Variants in ZNF549 observed in about 807,000 individuals in gnomAD.
ZNF549 encodes the protein zinc finger protein 549.
A neutral mutation model predicts 11.1 loss-of-function variants in ZNF549; 11 were observed. The observed-to-expected ratio is 0.99, with a 90% CI of 0.62 to 1.64. ZNF549 has a LOEUF of 1.64. ZNF549 is among the 40% of genes most tolerant of loss of function. The probability of loss-of-function intolerance (pLI) is 0.00; values close to 1 mark genes in which losing one functional copy is unlikely to be tolerated. For synonymous variants in ZNF549, 266 were observed against 269.1 expected, an observed-to-expected ratio of 0.99 and a Z score of 0.11; for missense variants, 748 against 765.1, an observed-to-expected ratio of 0.98 and a Z score of 0.26.
intron 1 of ZNF549, among the ~76,000 whole-genome samples, chr19:57,529,181 A>G (rs2123307189): frequency 1.3e-5 from 2 of 152,228 alleles, no homozygotes; most frequent in East Asian, 3.8e-4. Flanking sequence ...TTTGTAGCCT[A>G]GGAGCAATAG....
intron 2 of ZNF549, among the ~76,000 whole-genome samples, chr19:57,532,455 G>A (rs1342313743): frequency 6.6e-6 from 1 of 152,164 alleles, no homozygotes; most frequent in East Asian, 1.9e-4. Context: ...AAGGACCTGT[G>A]GGCAGGTGCC....
chr19:57,527,425 G>A lies in ZNF549; in HGVS notation c.-149G>A. On this transcript the variant is annotated 5_prime_UTR_variant, in exon 1 of 4. Transcript: ENST00000376233. ...CTCGCTGGGTCCGGGCCAGGTAACT[G>A]GAGCCGGAAACCGGTGGAGGTGGTG... 4 of 1,160,986 alleles carry A rather than the reference G, an allele frequency of 3.4e-6. No homozygotes were observed. In the East Asian group the frequency reaches 7.7e-5, roughly 22 times the overall value. The allele number at this position is 1,160,986 out of a possible 1,614,324, so 71.9% of individuals were successfully genotyped here. A position where few individuals can be genotyped will look rare whatever the true frequency, so the allele number is the denominator to read the frequency against.
Position 57,538,945 on chromosome 19 carries a change from A to C in ZNF549, c.*18A>C, listed in dbSNP as rs2089942387. On this transcript the variant is annotated 3_prime_UTR_variant, in exon 4 of 4. Transcript: ENST00000376233. ...AGCCCTAGCAATTGTTGGGATGTGTAATTGTCTTATTCACTGTAGGACACC... is the reference window on the plus strand; with the variant it reads ...AGCCCTAGCAATTGTTGGGATGTGTCATTGTCTTATTCACTGTAGGACACC... The C allele has an allele frequency of 6.3e-7, 1 of 1,585,528 alleles. No homozygotes were observed.
At chr19:57,528,999 C>T (rs1461623843) in intron 1 of ZNF549, among the ~76,000 whole-genome samples, 5 of 152,126 alleles carry the variant, frequency 3.3e-5, no homozygotes, top group African/African-American at 1.2e-4. Flanking sequence ...ACATCAGTGA[C>T]GGTGGTCCCA....
chr19:57,531,215 C>T (rs1221950221), intron 2 of ZNF549, 107 bp downstream of exon 2: 2 of 1,255,776 alleles, frequency 1.6e-6, no homozygotes, highest in East Asian at 4.7e-5. Flanking sequence ...TTTCCTTCAT[C>T]TTGGGTCCCT....
intron 1 of ZNF549, 90 bp downstream of exon 1, chr19:57,527,696 C>T: frequency 4.7e-6 from 7 of 1,500,860 alleles, no homozygotes; most frequent in Non-Finnish European, 6.4e-6. Context: ...GGCCTCTTCT[C>T]CAGGACAGCG....
rs143688393 is a variant in ZNF549, at chr19:57,538,240, G to A, written c.1236G>A (p.Thr412=). ...TTCTTGATCACCATAGAATCCACAC[G>A]GGAGAAAGGCCTTATGAGTGCAAAG... The part of the protein sequence containing the change: ...QSLLDHHRIH[T]GERPYECKEC... The change falls in exon 4 of 4, where the codon ACG becomes ACA. Residue 412 remains threonine (T), a synonymous_variant. Coordinates refer to ENST00000376233, the MANE Select transcript of ZNF549 (RefSeq NM_001199295.2). 2.4e-5 allele frequency: 38 copies of A among 1,612,772 alleles called. No homozygotes were observed. Among genetic ancestry groups the A allele is most frequent in the South Asian group, 2.1e-4 (19 of 91,014 alleles).
chr19:57,535,439 C>G, intron 3 of ZNF549, 169 bp downstream of exon 3: 1 of 909,758 alleles, frequency 1.1e-6, no homozygotes, highest in South Asian at 2.1e-5. Flanking sequence ...GTTTTTTCTG[C>G]CCCAACATCT....
intron 3 of ZNF549, among the ~76,000 whole-genome samples, chr19:57,536,008 C>T (rs1445791994): frequency 1.3e-5 from 2 of 152,082 alleles, no homozygotes; most frequent in African/African-American, 4.8e-5. Flanking sequence ...ATTTTGGTGC[C>T]AGGGCTCATG....
In ZNF549 at chr19:57,538,870, C is replaced by G. The variant is rs1371582467; in HGVS notation, c.1866C>G (p.Phe622Leu). ...AATGTGGTAAATGTGGGAAAGCCTTCAACAAAAGATATTCCCTTGTCAGGC... is the reference window on the plus strand; with the variant it reads ...AATGTGGTAAATGTGGGAAAGCCTTGAACAAAAGATATTCCCTTGTCAGGC... ...PYECGKCGKA[F>L]NKRYSLVRHQ... Residue 622 changes from phenylalanine to leucine, a missense_variant, in exon 4 of 4, where the codon TTC (phenylalanine) becomes TTG (leucine). Coordinates refer to ENST00000376233, the MANE Select transcript of ZNF549 (RefSeq NM_001199295.2). The G allele has an allele frequency of 1.2e-6, 2 of 1,611,266 alleles. No individual in the cohort carries two copies. The highest frequency in any genetic ancestry group is 1.7e-6 in the Non-Finnish European group (2 of 1,180,026).
Position 57,538,393 on chromosome 19 carries a change from C to A in ZNF549, c.1389C>A (p.His463Gln). The A allele has an allele frequency of 6.2e-7, 1 of 1,614,014 alleles. No individual in the cohort carries two copies. The highest frequency in any genetic ancestry group is 8.5e-7 in the Non-Finnish European group (1 of 1,180,000). The part of the protein sequence containing the change: ...SFIRSSDYMR[H>Q]QRIHTGERAY... ...TCCGCTCGTCTGACTACATGCGACA[C>A]CAGAGAATTCACACTGGAGAAAGGG... Residue 463 changes from histidine to glutamine, a missense_variant, in exon 4 of 4, where the codon CAC (histidine) becomes CAA (glutamine). Physicochemically the swap from His to Gln is conservative, Grantham distance 24. Coordinates refer to ENST00000376233, the MANE Select transcript of ZNF549 (RefSeq NM_001199295.2).
chr19:57,539,091 G>A lies in ZNF549; in HGVS notation c.*164G>A. 1.3e-6 allele frequency: 1 copy of A among 757,528 alleles called. No individual in the cohort carries two copies. The highest frequency in any genetic ancestry group is 2.1e-6 in the Non-Finnish European group (1 of 482,566). 46.9% of individuals were successfully genotyped at this position (757,528 alleles called of 1,614,324 possible). On this transcript the variant is annotated 3_prime_UTR_variant, in exon 4 of 4. Coordinates refer to ENST00000376233, the MANE Select transcript of ZNF549 (RefSeq NM_001199295.2). The stretch of plus-strand genomic sequence containing the variant: ...TTGGGAAGCTTTCTAGAGATTACTT[G>A]TACTTTCTAATCTGCCCAGTGTTAC...
intron 3 of ZNF549, among the ~76,000 whole-genome samples, chr19:57,536,929 A>C (rs2089927108): frequency 6.6e-6 from 1 of 152,134 alleles, no homozygotes; most frequent in Admixed American, 6.5e-5. Context: ...TATCTCCACA[A>C]GAAATTCTAA....
chr19:57,538,321 T>TA lies in ZNF549; in HGVS notation c.1318dup (p.Thr440AsnfsTer20), dbSNP rs1459153397. 1.9e-6 allele frequency: 3 copies of TA among 1,612,968 alleles called. No homozygotes were observed. Among genetic ancestry groups the TA allele is most frequent in the Non-Finnish European group, 2.5e-6 (3 of 1,179,738 alleles). On this transcript the variant is annotated frameshift_variant, in exon 4 of 4. Coordinates refer to ENST00000376233, the MANE Select transcript of ZNF549 (RefSeq NM_001199295.2). LOFTEE classifies it low-confidence loss of function (END_TRUNC). ...GACTTCTTGAGCACCAGAGAATTCA[T>TA]ACTGGAGAAAAGCCTTATGTGTGCA...
intron 3 of ZNF549, among the ~76,000 whole-genome samples, chr19:57,536,443 TC>T (rs1227470410): frequency 6.6e-6 from 1 of 152,190 alleles, no homozygotes; most frequent in Non-Finnish European, 1.5e-5. Flanking sequence ...AAGTATGGTT[TC>T]TACTGAATGT....
rs1326795220 is a variant in ZNF549, at chr19:57,540,127, C to T, written c.*1200C>T. 2 of 152,202 alleles carry T rather than the reference C, an allele frequency of 1.3e-5. No individual in the cohort carries two copies. The highest frequency in any genetic ancestry group is 2.9e-5 in the Non-Finnish European group (2 of 68,034). The allele number at this position is 152,202 out of a possible 1,614,324, so 9.4% of individuals were successfully genotyped here. A position where few individuals can be genotyped will look rare whatever the true frequency, so the allele number is the denominator to read the frequency against. The stretch of plus-strand genomic sequence containing the variant: ...TTTGAGAGAACATACACCTTGCCTT[C>T]CAGATATGTGGTTTTTGTGATTCAC... On this transcript the variant is annotated 3_prime_UTR_variant, in exon 4 of 4. Transcript: ENST00000376233.
rs1330355295 is a variant in ZNF549 at position 57,540,119 on chromosome 19, C to T, written c.*1192C>T. The T allele has an allele frequency of 2.6e-5, 4 of 152,198 alleles. No individual in the cohort carries two copies. The highest frequency in any genetic ancestry group is 1.3e-4 in the Admixed American group (2 of 15,288). 9.4% of individuals were successfully genotyped at this position (152,198 alleles called of 1,614,324 possible). On this transcript the variant is annotated 3_prime_UTR_variant, in exon 4 of 4. Transcript: ENST00000376233. ...AAGCAGGATTTGAGAGAACATACACCTTGCCTTCCAGATATGTGGTTTTTG... is the reference window on the plus strand; with the variant it reads ...AAGCAGGATTTGAGAGAACATACACTTTGCCTTCCAGATATGTGGTTTTTG...
intron 2 of ZNF549, 124 bp downstream of exon 2, chr19:57,531,232 A>C: frequency 1.1e-6 from 1 of 922,940 alleles, no homozygotes; most frequent in Admixed American, 2.1e-5. Context: ...CCCTGGGGCC[A>C]CCTCAGGCCC....
chr19:57,535,565 C>T (rs1239903771), intron 3 of ZNF549, among the ~76,000 whole-genome samples: 2 of 152,108 alleles, frequency 1.3e-5, no homozygotes, highest in African/African-American at 4.8e-5. Flanking sequence ...CTGTGGTGGA[C>T]CTGTGTTACA....
Sources: gnomAD v4.1 joint callset for allele counts (sites outside exome capture counted in the v4.1 genomes callset) on GRCh38, gnomAD v4.1.1 for gene constraint, MANE v1.5 for transcripts, NCBI Gene and HGNC (gene_info 2026-07-23, HGNC 2026-07-21) for gene names.